Variants in SPTBN2 observed in about 807,000 individuals in gnomAD.
SPTBN2 encodes spectrin beta, non-erythrocytic 2, also known as spectrin beta chain, non-erythrocytic 2.
In SPTBN2, 107 loss-of-function variants were observed where a neutral mutation model predicts 284.2. The ratio of observed to expected loss-of-function variants is 0.38; its 90% confidence interval spans 0.32 to 0.44. SPTBN2 has a LOEUF of 0.44. SPTBN2 is among the 20% of genes least tolerant of loss of function. The pLI is 1.00. For synonymous variants in SPTBN2, 1,289 were observed against 1,354.8 expected, an observed-to-expected ratio of 0.95 and a Z score of 1.07; for missense variants, 2,569 against 3,287.1, an observed-to-expected ratio of 0.78 and a Z score of 5.34.
chr11:66,687,813 C>T lies in SPTBN2; in HGVS notation c.6501+55G>A. 6.2e-7 allele frequency: 1 copy of T among 1,611,236 alleles called. No homozygotes were observed. Among genetic ancestry groups the T allele is most frequent in the South Asian group, 1.1e-5 (1 of 91,026 alleles). On this transcript the variant is annotated intron_variant, in intron 34 of 37. Transcript: ENST00000533211. This position sits in a 1 kb window ranked among gnomAD's most constrained non-coding sequence, Gnocchi z 5.2. The stretch of plus-strand genomic sequence containing the variant: ...TACTCCCCCACCCGCACTCACCACC[C>T]CCTCTGGACCCTTCGCCTCACAGTT...
At chr11:66,712,372 C>A (rs1356497327) in intron 8 of SPTBN2, among the ~76,000 whole-genome samples, 1 of 152,188 alleles carries the variant, frequency 6.6e-6, no homozygotes, top group Non-Finnish European at 1.5e-5. Flanking sequence ...CATGGTGAAA[C>A]CCTGTCTCTA....
chr11:66,724,924 C>T (rs1942559573), intron 1 of SPTBN2, among the ~76,000 whole-genome samples: 1 of 152,160 alleles, frequency 6.6e-6, no homozygotes, highest in Non-Finnish European at 1.5e-5. Context: ...AGGAGAAATG[C>T]AGAATTGGGG....
In SPTBN2 at chr11:66,696,288, T is replaced by G. The variant is rs1195942487; in HGVS notation, c.4267A>C (p.Lys1423Gln). The change falls in exon 21 of 38, where the codon AAG becomes CAG. Residue 1423 changes from lysine (K) to glutamine (Q), a missense_variant. Around this residue, in one of 6 missense-constraint regions of SPTBN2, gnomAD observed 49 missense variants for 92.6 expected, o/e 0.53. Transcript: ENST00000533211. ...KDLTSVNILL[K>Q]KQQMLEWEMA... Reference sequence around the variant, plus strand: ...GGCCCACAGCACACCTGCTGCTTCTTGAGCAGGATGTTGACGCTGGTGAGG... The same window carrying G: ...GGCCCACAGCACACCTGCTGCTTCTGGAGCAGGATGTTGACGCTGGTGAGG... 6.2e-7 allele frequency: 1 copy of G among 1,612,110 alleles called. No individual in the cohort carries two copies. Among genetic ancestry groups the G allele is most frequent in the East Asian group, 2.2e-5 (1 of 44,892 alleles).
chr11:66,716,872 C>T (rs550305007), intron 3 of SPTBN2, among the ~76,000 whole-genome samples: 64 of 152,024 alleles, frequency 4.2e-4, no homozygotes, highest in Non-Finnish European at 8.1e-4. Flanking sequence ...AAGGTGTGGG[C>T]TAAAATTATT....
At position 66,713,647 on chromosome 11, in the gene SPTBN2, C is replaced by G; in HGVS notation, c.756G>C (p.Lys252Asn). The G allele has an allele frequency of 6.2e-7, 1 of 1,613,952 alleles. No homozygotes were observed. The highest frequency in any genetic ancestry group is 2.2e-5 in the East Asian group (1 of 44,890). ...NLAEKELGLT[K>N]LLDPEDVNVD... The stretch of plus-strand genomic sequence containing the variant: ...TGGCCCCACCTTCGGGATCCAGCAG[C>G]TTGGTAAGTCCCAGTTCCTTTTCAG... The change falls in exon 8 of 38, where the codon AAG becomes AAC. Residue 252 changes from lysine (K) to asparagine (N), a missense_variant. Physicochemically the swap from Lys to Asn is moderately conservative, Grantham distance 94. Coordinates refer to ENST00000533211, the MANE Select transcript of SPTBN2 (RefSeq NM_006946.4).
At chr11:66,688,961 G>C in intron 30 of SPTBN2, 112 bp from the exon 31 acceptor site, 1 of 1,483,484 alleles carries the variant, frequency 6.7e-7, no homozygotes, top group South Asian at 1.2e-5. Context: ...CTGCCCCAGA[G>C]CTGTGCCAGG....
chr11:66,693,566 C>G lies in SPTBN2; in HGVS notation c.4594-120G>C. The G allele has an allele frequency of 2.0e-6, 3 of 1,490,464 alleles. No homozygotes were observed. The highest frequency in any genetic ancestry group is 2.7e-6 in the Non-Finnish European group (3 of 1,107,802). The allele number at this position is 1,490,464 out of a possible 1,614,324, so 92.3% of individuals were successfully genotyped here. A position where few individuals can be genotyped will look rare whatever the true frequency, so the allele number is the denominator to read the frequency against. On this transcript the variant is annotated intron_variant, in intron 23 of 37. Transcript: ENST00000533211. This position sits in a 1 kb window ranked among gnomAD's most constrained non-coding sequence, Gnocchi z 5.7. Reference sequence around the variant, plus strand: ...CTGGGTCCTCTGCTCCCTCTCCTAGCCTGGGGGTGCGATGGTAACACCCGT... The same window carrying G: ...CTGGGTCCTCTGCTCCCTCTCCTAGGCTGGGGGTGCGATGGTAACACCCGT...
chr11:66,711,202 T>C (rs940151069), intron 8 of SPTBN2, among the ~76,000 whole-genome samples, 173 bp from the exon 9 acceptor site: 1 of 152,116 alleles, frequency 6.6e-6, no homozygotes, highest in Non-Finnish European at 1.5e-5. Context: ...AAAGCTCATC[T>C]TTTTTTCCCC....
chr11:66,709,367 G>A (rs1941737981), intron 10 of SPTBN2, among the ~76,000 whole-genome samples: 1 of 151,990 alleles, frequency 6.6e-6, no homozygotes, highest in South Asian at 2.1e-4. Context: ...TAGTAGAGAT[G>A]GGGTTTCACC....
chr11:66,695,431 G>A (rs1940850358), intron 21 of SPTBN2, among the ~76,000 whole-genome samples: 1 of 151,968 alleles, frequency 6.6e-6, no homozygotes, highest in African/African-American at 2.4e-5. Context: ...GCTAATTTTT[G>A]TAGTTTTTGT....
In SPTBN2 at chr11:66,692,984, G is replaced by A. The variant is rs758734822; in HGVS notation, c.4971C>T (p.His1657=). 24 of 1,606,922 alleles carry A rather than the reference G, an allele frequency of 1.5e-5. No individual in the cohort carries two copies. The highest frequency in any genetic ancestry group is 5.3e-5 in the African/African-American group (4 of 74,924). ...GCTGCACCCACCTCTCTGGGTGCTC[G>A]TGGTCAATCATGTCCTGGCTGCTGG... The part of the protein sequence containing the change: ...LAASSQDMID[H]EHPESTRISI... Residue 1657 remains histidine, a synonymous_variant, in exon 25 of 38, where the codon CAC becomes CAT. Coordinates refer to ENST00000533211, the MANE Select transcript of SPTBN2 (RefSeq NM_006946.4).
At chr11:66,714,483 G>T in intron 5 of SPTBN2, 76 bp from the exon 6 acceptor site, 1 of 1,257,292 alleles carries the variant, frequency 8.0e-7, no homozygotes, top group Non-Finnish European at 1.2e-6. Flanking sequence ...CAGATAAATG[G>T]CAGGAAACTG....
chr11:66,692,777 G>T, intron 25 of SPTBN2, 37 bp from the exon 26 acceptor site: 1 of 1,599,450 alleles, frequency 6.3e-7, no homozygotes, highest in South Asian at 1.1e-5. Flanking sequence ...TGGGACTTAG[G>T]GGTGTAGCTC....
chr11:66,713,986 C>T (rs1942014250), intron 7 of SPTBN2, 105 bp downstream of exon 7: 17 of 1,231,030 alleles, frequency 1.4e-5, no homozygotes, highest in South Asian at 8.5e-5. Flanking sequence ...CTATTCCTTC[C>T]GTCTGACTGC....
Position 66,707,894 on chromosome 11 carries a change from A to G in SPTBN2, c.1351-76T>C. ...TGCCTGCTCCTCTGTCCTGCAGGGC[A>G]CTTGGCCTGCAAGATCCCAGCTCCA... On this transcript the variant is annotated intron_variant, in intron 12 of 37. Transcript: ENST00000533211. This position sits in a 1 kb window ranked among gnomAD's most constrained non-coding sequence, Gnocchi z 4.9. 3 of 1,558,244 alleles carry G rather than the reference A, an allele frequency of 1.9e-6. No individual in the cohort carries two copies. Among genetic ancestry groups the G allele is most frequent in the Non-Finnish European group, 2.6e-6 (3 of 1,151,414 alleles).
intron 1 of SPTBN2, among the ~76,000 whole-genome samples, chr11:66,741,549 C>G (rs1161494075): frequency 6.6e-6 from 1 of 152,184 alleles, no homozygotes; most frequent in Non-Finnish European, 1.5e-5. Context: ...ATCAATATGT[C>G]ACCCAGTCTA....
chr11:66,720,692 G>C (rs1199815821), intron 3 of SPTBN2, among the ~76,000 whole-genome samples: 1 of 152,136 alleles, frequency 6.6e-6, no homozygotes, highest in Admixed American at 6.6e-5. Context: ...ACAGGTGTGG[G>C]AAATGACAGT....
chr11:66,699,448 T>C lies in SPTBN2; in HGVS notation c.3734A>G (p.His1245Arg). The C allele has an allele frequency of 6.2e-7, 1 of 1,614,096 alleles. No individual in the cohort carries two copies. Among genetic ancestry groups the C allele is most frequent in the Non-Finnish European group, 8.5e-7 (1 of 1,180,008 alleles). The change falls in exon 18 of 38, where the codon CAC (histidine) becomes CGC (arginine). Residue 1245 changes from histidine (H) to arginine (R), a missense_variant. Transcript: ENST00000533211. ...GRQLVSEGNI[H>R]ADKIREKADS... ...TGCCTTTTCCCGAATCTTGTCGGCG[T>C]GGATGTTGCCTTCAGATACCAGCTG...
In SPTBN2 at chr11:66,704,867, C is replaced by T; in HGVS notation, c.2409G>A (p.Leu803=). The T allele has an allele frequency of 6.2e-7, 1 of 1,610,520 alleles. No individual in the cohort carries two copies. The highest frequency in any genetic ancestry group is 8.5e-7 in the Non-Finnish European group (1 of 1,179,866). The change falls in exon 15 of 38, where the codon CTG becomes CTA. Residue 803 remains leucine (L), a synonymous_variant. Transcript: ENST00000533211. ...CTGCTGCCTGTTCCCTCAAGGCGTC[C>T]AGGGTTGGCCGGTGGCTTCGAATCT... The part of the protein sequence containing the change: ...EEEIRSHRPT[L]DALREQAAAL...
Sources: allele counts gnomAD v4.1 joint callset (sites outside exome capture counted in the v4.1 genomes callset), GRCh38; gene constraint gnomAD v4.1.1; regional missense constraint gnomAD v4.1.1; non-coding constraint Gnocchi (gnomAD v3.1); transcripts MANE v1.5; gene names NCBI Gene and HGNC (gene_info 2026-07-23, HGNC 2026-07-21).